RASA3: variants seen among roughly 807,000 people sequenced by gnomAD.
RASA3 encodes ras GTPase-activating protein 3.
A neutral mutation model predicts 110.0 loss-of-function variants in RASA3; 73 were observed. The ratio of observed to expected loss-of-function variants is 0.66; its 90% CI spans 0.55 to 0.81. The LOEUF (loss-of-function observed/expected upper bound fraction) is 0.81, where lower values mean the gene tolerates loss of function less well. Ranked by LOEUF, RASA3 falls within the 30% of genes least tolerant of loss-of-function variation. The pLI is 0.00. For missense variants in RASA3, 976 were observed against 1,113.2 expected, an observed-to-expected ratio of 0.88 and a Z score of 1.75; for synonymous variants, 500 against 451.4, an observed-to-expected ratio of 1.11 and a Z score of -1.37.
intron 1 of RASA3, among the ~76,000 whole-genome samples, chr13:114,122,708 C>A (rs2080394370): frequency 7.5e-6 from 1 of 133,308 alleles, no homozygotes; most frequent in Non-Finnish European, 1.6e-5. Flanking sequence ...GGGGCCTCCA[C>A]ACAGGGGGAC....
At chr13:114,097,494 T>C (rs1209498074) in intron 1 of RASA3, among the ~76,000 whole-genome samples, 2 of 152,218 alleles carry the variant, frequency 1.3e-5, no homozygotes, top group African/African-American at 4.8e-5. Flanking sequence ...AGCAAATAGA[T>C]GCCTCAGGGC....
chr13:114,104,548 C>T (rs1390227436), intron 1 of RASA3, among the ~76,000 whole-genome samples: 6 of 152,132 alleles, frequency 3.9e-5, no homozygotes, highest in African/African-American at 9.7e-5. Context: ...GCACACCCAG[C>T]GCAATTACAG....
intron 1 of RASA3, chr13:114,078,020 C>A (rs2139685573): frequency 2.1e-6 from 2 of 972,504 alleles, no homozygotes; most frequent in Non-Finnish European, 2.4e-6. Context: ...TCCTGAGAAA[C>A]ATCCTGGTTG....
In RASA3 at chr13:114,057,314, G is replaced by A. The variant is rs2079262451; in HGVS notation, c.174-5159C>T. On this transcript the variant is annotated intron_variant, in intron 2 of 23. Coordinates refer to ENST00000334062, the MANE Select transcript of RASA3 (RefSeq NM_007368.4). The surrounding 1 kb of genome is among the most constrained non-coding windows in gnomAD (Gnocchi z 5.0). ...GCGGCCGGCCAGCCTTATCAACGGAGCTCTGAGCCACCAACCACTGTGACC... is the reference window on the plus strand; with the variant it reads ...GCGGCCGGCCAGCCTTATCAACGGAACTCTGAGCCACCAACCACTGTGACC... 3 of 985,314 alleles carry A rather than the reference G, an allele frequency of 3.0e-6. No individual in the cohort carries two copies. The highest frequency in any genetic ancestry group is 3.6e-6 in the Non-Finnish European group (3 of 829,938). 61.0% of individuals were successfully genotyped at this position (985,314 alleles called of 1,614,324 possible). A position where few individuals can be genotyped will look rare whatever the true frequency, so the allele number is the denominator to read the frequency against.
intron 1 of RASA3, among the ~76,000 whole-genome samples, chr13:114,090,442 C>T (rs2079875960): frequency 6.6e-6 from 1 of 152,216 alleles, no homozygotes; most frequent in African/African-American, 2.4e-5. Context: ...TAAGACCAGA[C>T]AGATGAAGAA....
rs1206636977 is a variant in RASA3, at chr13:114,000,892, T to C, written c.1783A>G (p.Met595Val). ...KRAQGRKRFG[M>V]KNFKKRWFRL... ...AACCATCTCTTCTTAAAATTCTTCA[T>C]CCCAAAGCGCTTCCGTCCTTGGGCC... The change falls in exon 19 of 24, where the codon ATG (methionine) becomes GTG (valine). Residue 595 changes from methionine to valine, a missense_variant. Transcript: ENST00000334062. 1.2e-6 allele frequency: 2 copies of C among 1,613,794 alleles called. No homozygotes were observed. The highest frequency in any genetic ancestry group is 3.3e-5 in the Admixed American group (2 of 60,008).
chr13:113,980,145 A>C (rs2052887372), intron 23 of RASA3, among the ~76,000 whole-genome samples: 1 of 115,376 alleles, frequency 8.7e-6, no homozygotes, highest in Admixed American at 9.0e-5. Context: ...ACCTCCTGCC[A>C]CGTGTGTGCA....
At chr13:114,002,801 TCGCG>T (rs965294511) in intron 18 of RASA3, among the ~76,000 whole-genome samples, 1 of 152,074 alleles carries the variant, frequency 6.6e-6, no homozygotes, top group Non-Finnish European at 1.5e-5. Flanking sequence ...ACCGGGCCCA[TCGCG>T]CGTGTGGGAC....
At chr13:114,043,614 G>T (rs1258650213) in intron 3 of RASA3, among the ~76,000 whole-genome samples, 2 of 152,124 alleles carry the variant, frequency 1.3e-5, no homozygotes, top group Non-Finnish European at 2.9e-5. Flanking sequence ...AGCTGCACGG[G>T]ACGCTGAAAC....
At chr13:114,020,928 T>C (rs894845857) in intron 9 of RASA3, among the ~76,000 whole-genome samples, 13 of 152,132 alleles carry the variant, frequency 8.5e-5, no homozygotes, top group Non-Finnish European at 1.8e-4. Context: ...GCTGATGCCC[T>C]CCCCTACTGG....
At chr13:113,991,748 T>C (rs1337794283) in intron 22 of RASA3, among the ~76,000 whole-genome samples, 2 of 152,256 alleles carry the variant, frequency 1.3e-5, no homozygotes, top group Admixed American at 6.5e-5. Flanking sequence ...ATTGAATTGC[T>C]TTACAGAATT....
At chr13:114,078,048 C>G in intron 1 of RASA3, 1 of 954,528 alleles carries the variant, frequency 1.0e-6, no homozygotes, top group Non-Finnish European at 1.2e-6. Context: ...GACAGCAACA[C>G]CAGGGAGCCT....
At chr13:114,015,598 ACT>A (rs1338291029) in intron 13 of RASA3, among the ~76,000 whole-genome samples, 4 of 152,256 alleles carry the variant, frequency 2.6e-5, no homozygotes, top group African/African-American at 9.6e-5. Flanking sequence ...ATGGACGTTC[ACT>A]AGAATGTGCC....
chr13:114,072,119 G>A (rs1467031634), intron 2 of RASA3, among the ~76,000 whole-genome samples: 2 of 151,940 alleles, frequency 1.3e-5, no homozygotes, highest in South Asian at 4.2e-4. Flanking sequence ...TGCTTCCCCC[G>A]AGGCCGCAGC....
At chr13:114,090,491 G>A (rs778613758) in intron 1 of RASA3, among the ~76,000 whole-genome samples, 11 of 152,194 alleles carry the variant, frequency 7.2e-5, no homozygotes, top group African/African-American at 1.4e-4. Context: ...TCCTCCCTGC[G>A]TGGCAGCAAA....
At chr13:114,092,545 G>A (rs901383093) in intron 1 of RASA3, among the ~76,000 whole-genome samples, 2 of 152,130 alleles carry the variant, frequency 1.3e-5, no homozygotes, top group East Asian at 3.9e-4. Context: ...TAATTTTGAC[G>A]TTTTTTAATT....
At chr13:114,063,325 A>G (rs1451362985) in intron 2 of RASA3, among the ~76,000 whole-genome samples, 2 of 150,644 alleles carry the variant, frequency 1.3e-5, no homozygotes, top group East Asian at 3.9e-4. Context: ...TTTAAAATAT[A>G]CAAAATATAA....
At chr13:113,981,992 A>G (rs2052947458) in intron 22 of RASA3, 134 bp from the exon 23 acceptor site, 1 of 761,806 alleles carries the variant, frequency 1.3e-6, no homozygotes, top group Admixed American at 3.0e-5. Context: ...AGGGCTGACC[A>G]CCACTCGTAA....
intron 15 of RASA3, among the ~76,000 whole-genome samples, chr13:114,012,526 CCA>C (rs1288502340): frequency 1.6e-4 from 23 of 146,426 alleles, no homozygotes; most frequent in African/African-American, 4.6e-4. Flanking sequence ...CCCACGCATT[CCA>C]CACACACTCC....
Sources: allele counts gnomAD v4.1 joint callset (sites outside exome capture counted in the v4.1 genomes callset), GRCh38; gene constraint gnomAD v4.1.1; non-coding constraint Gnocchi (gnomAD v3.1); transcripts MANE v1.5; gene names NCBI Gene and HGNC (gene_info 2026-07-23, HGNC 2026-07-21).